Variants in MED13 observed in about 807,000 individuals in gnomAD.
MED13 encodes the protein mediator of RNA polymerase II transcription subunit 13.
Under a neutral mutation model 225.2 loss-of-function variants are expected in MED13, and 23 were observed. That is an observed-to-expected ratio of 0.10 (90% CI 0.07 to 0.14). The LOEUF (loss-of-function observed/expected upper bound fraction) is 0.14. Ranked by LOEUF, MED13 falls within the 10% of genes least tolerant of loss-of-function variation. The probability of loss-of-function intolerance (pLI) is 1.00; values close to 1 mark genes in which losing one functional copy is unlikely to be tolerated. For missense variants in MED13, 2,197 were observed against 2,594.5 expected (o/e 0.85, Z 3.33); for synonymous variants, 942 against 889.2 (o/e 1.06, Z -1.06).
intron 9 of MED13, among the ~76,000 whole-genome samples, chr17:61,996,264 A>T (rs2080345999): frequency 6.6e-6 from 1 of 152,204 alleles, no homozygotes; most frequent in Admixed American, 6.5e-5. Context: ...TGAACACAGA[A>T]TCATTAGCTT....
chr17:62,016,848 A>G (rs1402066113), intron 8 of MED13, among the ~76,000 whole-genome samples: 1 of 152,000 alleles, frequency 6.6e-6, no homozygotes, highest in Non-Finnish European at 1.5e-5. Context: ...GTCTCTACTA[A>G]AACTACAAAA....
chr17:62,063,414 G>A, intron 1 of MED13, 113 bp from the exon 2 acceptor site: 1 of 687,474 alleles, frequency 1.5e-6, no homozygotes, highest in East Asian at 2.5e-5. Flanking sequence ...ATGTATGCTT[G>A]AGATATTGAC....
chr17:61,963,447 A>ACT (rs1194645555), intron 20 of MED13, among the ~76,000 whole-genome samples: 2 of 150,896 alleles, frequency 1.3e-5, no homozygotes, highest in Non-Finnish European at 1.5e-5. Flanking sequence ...ACATTTTCAG[A>ACT]CTCTCTCTCT....
Position 61,955,855 on chromosome 17 carries a change from TAAAAAAAAAAAAAAA to T in MED13, c.5624-32_5624-18del, listed in dbSNP as rs61326861. The T allele has an allele frequency of 1.2e-6, 1 of 814,370 alleles. No homozygotes were observed. The highest frequency in any genetic ancestry group is 7.5e-5 in the East Asian group (1 of 13,292). 50.4% of individuals were successfully genotyped at this position (814,370 alleles called of 1,614,324 possible). On this transcript the variant is annotated intron_variant, in intron 24 of 29. Coordinates refer to ENST00000397786, the MANE Select transcript of MED13 (RefSeq NM_005121.3). ...AGCTCCAATCTGTGGGTATCAACAG[TAAAAAAAAAAAAAAA>T]AAAAAAAAAAATCAAAGTAACAGCA...
chr17:61,953,259 T>G, intron 26 of MED13, 146 bp from the exon 27 acceptor site: 1 of 805,286 alleles, frequency 1.2e-6, no homozygotes, highest in Non-Finnish European at 1.9e-6. Context: ...TGCCAAGTAT[T>G]GTGCTAAAAG....
chr17:62,027,820 A>G lies in MED13; in HGVS notation c.1283+1721T>C, dbSNP rs374660565. Among the ~76,000 whole-genome samples, 7 of 152,384 alleles carry G rather than the reference A, an allele frequency of 4.6e-5. No homozygotes were observed. The East Asian group carries it at 1.3e-3, about 29-fold the overall frequency. ...CCAACATGCATATGTAAAAAAGCTC[A>G]ACATCACTGATCATTAGAGAAATGC... On this transcript the variant is annotated intron_variant, in intron 8 of 29. Coordinates refer to ENST00000397786, the MANE Select transcript of MED13 (RefSeq NM_005121.3).
Position 62,003,599 on chromosome 17 carries a change from C to CAAAAAAAAAAAAAAAAAAAAAA in MED13, c.1967+6929_1967+6950dup, listed in dbSNP as rs34451831. 24 of 51,728 alleles carry CAAAAAAAAAAAAAAAAAAAAAA rather than the reference C, an allele frequency of 4.6e-4. 2 individuals are homozygous for CAAAAAAAAAAAAAAAAAAAAAA. The highest frequency in any genetic ancestry group is 1.7e-3 in the East Asian group (2 of 1,196). 3.2% of individuals were successfully genotyped at this position (51,728 alleles called of 1,614,324 possible). A position where few individuals can be genotyped will look rare whatever the true frequency, so the allele number is the denominator to read the frequency against. ...CAGCCTGAGCAACAACAGCAAAACTCAAAAAAAAAAAAAAAAAAAAAAGCA... is the reference window on the plus strand; with the variant it reads ...CAGCCTGAGCAACAACAGCAAAACTCAAAAAAAAAAAAAAAAAAAAAAAAAAAAAAAAAAAAAAAAAAAAGCA... On this transcript the variant is annotated intron_variant, in intron 9 of 29. Coordinates refer to ENST00000397786, the MANE Select transcript of MED13 (RefSeq NM_005121.3).
chr17:62,008,057 CCTGTAATCCCAGCA>C (rs2080469803), intron 9 of MED13, among the ~76,000 whole-genome samples: 1 of 145,784 alleles, frequency 6.9e-6, no homozygotes, highest in South Asian at 2.2e-4. Context: ...GTGGCTCACG[CCTGTAATCCCAGCA>C]CTTTGGGAGG....
intron 9 of MED13, among the ~76,000 whole-genome samples, chr17:62,001,627 TA>T (rs1184592627): frequency 6.6e-6 from 1 of 152,188 alleles, no homozygotes; most frequent in African/African-American, 2.4e-5. Flanking sequence ...ACCAAACTAC[TA>T]AGGAGCACCC....
chr17:61,964,525 A>G (rs563101445), intron 20 of MED13, among the ~76,000 whole-genome samples: 12 of 152,278 alleles, frequency 7.9e-5, no homozygotes, highest in African/African-American at 2.4e-4. Flanking sequence ...TGATCACGCC[A>G]CTATACTCCA....
At position 62,058,689 on chromosome 17, in the gene MED13, G is replaced by A. The variant is rs561845528; in HGVS notation, c.301+4378C>T. 2.6e-5 allele frequency among the ~76,000 whole-genome samples: 4 copies of A among 152,180 alleles called. No homozygotes were observed. In the East Asian group the frequency reaches 7.7e-4, roughly 29 times the overall value. On this transcript the variant is annotated intron_variant, in intron 2 of 29. Coordinates refer to ENST00000397786, the MANE Select transcript of MED13 (RefSeq NM_005121.3). ...AAGAAAATCATCTATGTTTGGCTTT[G>A]GAATTCAAGAGATTTTTTGAACAAA...
intron 2 of MED13, among the ~76,000 whole-genome samples, chr17:62,054,965 G>A (rs550686134): frequency 6.6e-6 from 1 of 152,342 alleles, no homozygotes; most frequent in East Asian, 1.9e-4. Context: ...TATCAAGGTT[G>A]TACAGTTGTT....
intron 9 of MED13, among the ~76,000 whole-genome samples, chr17:61,999,820 G>A (rs895110631): frequency 2.6e-5 from 4 of 152,146 alleles, no homozygotes; most frequent in Admixed American, 2.0e-4. Context: ...GCTTTGGGAG[G>A]CCAAGGTAGT....
chr17:62,019,478 T>C (rs926948623), intron 8 of MED13, among the ~76,000 whole-genome samples: 3 of 152,252 alleles, frequency 2.0e-5, no homozygotes, highest in Admixed American at 6.5e-5. Flanking sequence ...AATTAGTCTA[T>C]TTTATGCAAG....
chr17:61,950,246 A>G (rs777742172), intron 28 of MED13, among the ~76,000 whole-genome samples: 11 of 152,164 alleles, frequency 7.2e-5, no homozygotes, highest in Non-Finnish European at 1.3e-4. Flanking sequence ...AGCATCTCCA[A>G]TTTGAAAAAA....
At chr17:62,045,356 C>A (rs2080889254) in intron 3 of MED13, among the ~76,000 whole-genome samples, 1 of 152,034 alleles carries the variant, frequency 6.6e-6, no homozygotes, top group African/African-American at 2.4e-5. Flanking sequence ...TAACCAAACA[C>A]AATCTTAAGA....
intron 16 of MED13, among the ~76,000 whole-genome samples, chr17:61,974,367 C>T (rs2080135227): frequency 1.3e-5 from 2 of 152,114 alleles, no homozygotes; most frequent in African/African-American, 2.4e-5. Context: ...TAGCGTAACA[C>T]TGCACTTCAG....
intron 8 of MED13, among the ~76,000 whole-genome samples, chr17:62,028,098 C>T (rs576094148): frequency 2.9e-4 from 44 of 152,240 alleles, no homozygotes; most frequent in Non-Finnish European, 4.7e-4. Flanking sequence ...GACACATATA[C>T]GCAAATGTCC....
At position 61,953,033 on chromosome 17, in the gene MED13, C is replaced by T. The variant is rs2079910435; in HGVS notation, c.6049G>A (p.Ala2017Thr). The change falls in exon 27 of 30, where the codon GCT becomes ACT. Residue 2017 changes from alanine to threonine, a missense_variant. Transcript: ENST00000397786. ...LDPDIINILP[A>T]SPTGSPVHSP... ...TGTACAGGAGAACCAGTTGGAGAAG[C>T]AGGAAGGATATTAATGATATCAGGG... The T allele has an allele frequency of 6.2e-7, 1 of 1,613,734 alleles. No homozygotes were observed. Among genetic ancestry groups the T allele is most frequent in the African/African-American group, 1.3e-5 (1 of 74,874 alleles).
Sources: gnomAD v4.1 joint callset for allele counts (sites outside exome capture counted in the v4.1 genomes callset) on GRCh38, gnomAD v4.1.1 for gene constraint, MANE v1.5 for transcripts, NCBI Gene and HGNC (gene_info 2026-07-23, HGNC 2026-07-21) for gene names.